Variants in TMCC1 observed in about 807,000 individuals in gnomAD.
The protein encoded by TMCC1 is transmembrane and coiled-coil domains protein 1.
A neutral mutation model predicts 52.4 loss-of-function variants in TMCC1; 15 were observed. The ratio of observed to expected loss-of-function variants is 0.29; its 90% CI spans 0.19 to 0.44. The LOEUF (loss-of-function observed/expected upper bound fraction) is 0.44. Ranked by LOEUF, TMCC1 falls within the 20% of genes least tolerant of loss-of-function variation. The pLI is 1.00. For missense variants in TMCC1, 503 were observed against 806.0 expected (o/e 0.62, Z 4.55); for synonymous variants, 279 against 301.9 (o/e 0.92, Z 0.79).
chr3:129,740,604 A>T (rs944405577), intron 4 of TMCC1, among the ~76,000 whole-genome samples: 1 of 152,164 alleles, frequency 6.6e-6, no homozygotes, highest in Non-Finnish European at 1.5e-5. Context: ...TACTCAAGAG[A>T]TGCTTAGTTC....
intron 4 of TMCC1, among the ~76,000 whole-genome samples, chr3:129,712,396 T>C (rs1003235551): frequency 2.0e-5 from 3 of 152,150 alleles, no homozygotes; most frequent in African/African-American, 7.2e-5. Context: ...TGACTACAAA[T>C]GAGTAATGCA....
intron 4 of TMCC1, among the ~76,000 whole-genome samples, chr3:129,727,258 G>A (rs2050180960): frequency 6.6e-6 from 1 of 151,936 alleles, no homozygotes; most frequent in Admixed American, 6.6e-5. Context: ...GCTTTTTTTG[G>A]ACAAATTATT....
At chr3:129,717,662 A>T (rs1195549645) in intron 4 of TMCC1, among the ~76,000 whole-genome samples, 1 of 152,176 alleles carries the variant, frequency 6.6e-6, no homozygotes, top group African/African-American at 2.4e-5. Flanking sequence ...ATAGTTACTG[A>T]TTTCTTTCAT....
At chr3:129,890,345 A>G (rs1252170552) in intron 1 of TMCC1, among the ~76,000 whole-genome samples, 1 of 152,246 alleles carries the variant, frequency 6.6e-6, no homozygotes, top group Non-Finnish European at 1.5e-5. Flanking sequence ...AGGAAATGCC[A>G]ATATGGATAG....
chr3:129,694,341 GACTAAC>G (rs2047239986), intron 4 of TMCC1, among the ~76,000 whole-genome samples: 1 of 152,226 alleles, frequency 6.6e-6, no homozygotes, highest in African/African-American at 2.4e-5. Context: ...GCCCCTGTAT[GACTAAC>G]TAGCACTGTG....
chr3:129,871,638 G>GACTA (rs1438549039), intron 2 of TMCC1, among the ~76,000 whole-genome samples: 2 of 151,946 alleles, frequency 1.3e-5, no homozygotes, highest in African/African-American at 2.4e-5. Flanking sequence ...CAAGTCAAAT[G>GACTA]ACTAACAAAC....
chr3:129,745,056 A>AT, intron 4 of TMCC1, among the ~76,000 whole-genome samples: 1 of 152,350 alleles, frequency 6.6e-6, no homozygotes, highest in South Asian at 2.1e-4. Context: ...ATTGAGTAAT[A>AT]ATGGAGAGAA....
chr3:129,703,253 T>C (rs2047976509), intron 4 of TMCC1, among the ~76,000 whole-genome samples: 1 of 152,156 alleles, frequency 6.6e-6, no homozygotes, highest in South Asian at 2.1e-4. Context: ...AATAGGAAGG[T>C]GAAAACAGAT....
chr3:129,759,500 T>G (rs2053310663), intron 4 of TMCC1, among the ~76,000 whole-genome samples: 1 of 151,322 alleles, frequency 6.6e-6, no homozygotes. Flanking sequence ...ACTCCTTACC[T>G]CAGATGATCC....
chr3:129,671,391 C>T, intron 4 of TMCC1, 127 bp from the exon 5 acceptor site: 1 of 1,014,080 alleles, frequency 9.9e-7, no homozygotes. Flanking sequence ...TATAATTCCC[C>T]CTTGTCCTAT....
At chr3:129,854,262 C>T (rs1248096592) in intron 2 of TMCC1, among the ~76,000 whole-genome samples, 2 of 151,866 alleles carry the variant, frequency 1.3e-5, no homozygotes, top group African/African-American at 2.4e-5. Flanking sequence ...TGTCGTGGCA[C>T]ACAACTGTAA....
intron 2 of TMCC1, among the ~76,000 whole-genome samples, chr3:129,855,362 C>A (rs573455381): frequency 9.9e-4 from 151 of 152,180 alleles, no homozygotes; most frequent in African/African-American, 3.4e-3. Flanking sequence ...AAAGCAAAGA[C>A]AAATCATTCC....
intron 4 of TMCC1, among the ~76,000 whole-genome samples, chr3:129,804,990 G>A (rs997030501): frequency 1.3e-5 from 2 of 151,976 alleles, no homozygotes; most frequent in Non-Finnish European, 2.9e-5. Context: ...CACCACTTTT[G>A]TGAGCCAAAA....
intron 4 of TMCC1, among the ~76,000 whole-genome samples, chr3:129,775,929 C>T (rs1377835160): frequency 6.6e-6 from 1 of 152,150 alleles, no homozygotes; most frequent in Non-Finnish European, 1.5e-5. Flanking sequence ...AATCAAACTC[C>T]TTATCATAGC....
intron 4 of TMCC1, among the ~76,000 whole-genome samples, chr3:129,745,080 T>C (rs199965711): frequency 2.6e-5 from 4 of 152,226 alleles, no homozygotes; most frequent in Non-Finnish European, 5.9e-5. Flanking sequence ...AAATTTCTTG[T>C]AAGACATGCA....
At chr3:129,791,179 C>T (rs1466434212) in intron 4 of TMCC1, among the ~76,000 whole-genome samples, 4 of 150,778 alleles carry the variant, frequency 2.7e-5, no homozygotes, top group African/African-American at 9.8e-5. Context: ...CTGCAAGCTC[C>T]GCCTCCCAGG....
chr3:129,763,207 AAAATAAAT>A (rs201181579), intron 4 of TMCC1, among the ~76,000 whole-genome samples: 5,493 of 131,296 alleles, frequency 0.042, 313 homozygotes, highest in African/African-American at 0.086. Flanking sequence ...CAAAAAATAA[AAAATAAAT>A]AAATAAATAA....
chr3:129,654,549 C>G (rs2086552679), intron 6 of TMCC1, among the ~76,000 whole-genome samples: 1 of 152,160 alleles, frequency 6.6e-6, no homozygotes, highest in Non-Finnish European at 1.5e-5. Flanking sequence ...ACATTACTGC[C>G]TCACGGGTTA....
intron 4 of TMCC1, among the ~76,000 whole-genome samples, chr3:129,802,608 T>C (rs1336973016): frequency 2.0e-5 from 3 of 152,054 alleles, no homozygotes; most frequent in African/African-American, 7.2e-5. Flanking sequence ...CCTCATCTCT[T>C]AAAAAACAAA....
Sources: gnomAD v4.1 joint callset for allele counts (sites outside exome capture counted in the v4.1 genomes callset) on GRCh38, gnomAD v4.1.1 for gene constraint, MANE v1.5 for transcripts, NCBI Gene and HGNC (gene_info 2026-07-23, HGNC 2026-07-21) for gene names.